The following EXOC7 variants were observed in gnomAD, a reference collection of about 807,000 sequenced individuals.
EXOC7 encodes exocyst complex component Exo70.
In EXOC7, 51 loss-of-function variants were observed where a neutral mutation model predicts 87.6. The ratio of observed to expected loss-of-function variants is 0.58; its 90% CI spans 0.46 to 0.73. The LOEUF (loss-of-function observed/expected upper bound fraction) is 0.73, where lower values mean the gene tolerates loss of function less well. EXOC7 is among the 30% of genes least tolerant of loss of function. The pLI, the probability that EXOC7 is intolerant of heterozygous loss-of-function variation, is 0.00. For missense variants in EXOC7, 744 were observed against 888.4 expected (o/e 0.84, Z 2.07); for synonymous variants, 327 against 357.1 (o/e 0.92, Z 0.95).
chr17:76,096,704 G>A (rs972811033), intron 5 of EXOC7, among the ~76,000 whole-genome samples: 1 of 152,116 alleles, frequency 6.6e-6, no homozygotes, highest in African/African-American at 2.4e-5. Flanking sequence ...TTACAGGCAT[G>A]CGCCACCACG....
At position 76,101,585 on chromosome 17, in the gene EXOC7, C is replaced by T. The variant is rs946821016; in HGVS notation, c.311+94G>A. The T allele has an allele frequency of 6.8e-6, 10 of 1,460,232 alleles. No individual in the cohort carries two copies. The African/African-American group carries it at 1.4e-4, about 21-fold the overall frequency. The allele number at this position is 1,460,232 out of a possible 1,614,324, so 90.5% of individuals were successfully genotyped here. A position where few individuals can be genotyped will look rare whatever the true frequency, so the allele number is the denominator to read the frequency against. ...AACTCCTAGTCTCAAGCGATCCTCCCACCTCAGCCTCCCAAATTGTTGGGA... is the reference window on the plus strand; with the variant it reads ...AACTCCTAGTCTCAAGCGATCCTCCTACCTCAGCCTCCCAAATTGTTGGGA... On this transcript the variant is annotated intron_variant, in intron 3 of 18. Coordinates refer to ENST00000589210, the MANE Select transcript of EXOC7 (RefSeq NM_001013839.4).
At chr17:76,090,694 C>T in intron 7 of EXOC7, 1 of 590,668 alleles carries the variant, frequency 1.7e-6, no homozygotes, top group Non-Finnish European at 3.0e-6. Flanking sequence ...AGAGCTGATG[C>T]TTGGCCCCAG....
chr17:76,091,477 G>C (rs2067476954), intron 6 of EXOC7: 1 of 523,254 alleles, frequency 1.9e-6, no homozygotes, highest in Non-Finnish European at 3.4e-6. Context: ...GCTCATTTCT[G>C]AAAGGACAGA....
intron 5 of EXOC7, 49 bp downstream of exon 5, chr17:76,097,747 A>T (rs1177589397): frequency 7.9e-7 from 1 of 1,260,470 alleles, no homozygotes; most frequent in East Asian, 2.4e-5. Context: ...AAGGGGAGAA[A>T]ACTCCCTCTG....
At position 76,087,636 on chromosome 17, in the gene EXOC7, A is replaced by G. The variant is rs1040631676; in HGVS notation, c.1429+18T>C. The G allele has an allele frequency of 5.2e-6, 8 of 1,550,392 alleles. No homozygotes were observed. In the Admixed American group the frequency reaches 1.2e-4, roughly 23 times the overall value. ...GGAGGCGAGTGGGGCAGGGGGCCCA[A>G]CTGGGAGGTACCAGTACCTTGGGAG... On this transcript the variant is annotated intron_variant, in intron 12 of 18. Transcript: ENST00000589210.
rs988989574 is a variant in EXOC7, at chr17:76,088,052, G to A, written c.1362+8C>T. 6.2e-7 allele frequency: 1 copy of A among 1,613,960 alleles called. No homozygotes were observed. The highest frequency in any genetic ancestry group is 8.5e-7 in the Non-Finnish European group (1 of 1,179,896). ...CCCCTCTCCCTGGTGTCCTCAGGCA[G>A]CACCCACATTGCTGGTGAGCTCGTG... On this transcript the variant is annotated splice_region_variant and intron_variant, in intron 11 of 18. Transcript: ENST00000589210.
Position 76,081,324 on chromosome 17 carries a change from T to C in EXOC7, c.*2324A>G, listed in dbSNP as rs759139193. ...CCCACGTGGTGAACGAGATTGTGAGTGTCAAGAGGGAATACGTAGTTTATG... is the reference window on the plus strand; with the variant it reads ...CCCACGTGGTGAACGAGATTGTGAGCGTCAAGAGGGAATACGTAGTTTATG... On this transcript the variant is annotated 3_prime_UTR_variant, in exon 19 of 19. Transcript: ENST00000589210. 1 of 1,613,884 alleles carries C rather than the reference T, an allele frequency of 6.2e-7. No homozygotes were observed.
intron 10 of EXOC7, 48 bp downstream of exon 10, chr17:76,088,416 T>TGTG: frequency 1.3e-6 from 2 of 1,566,102 alleles, no homozygotes; most frequent in Non-Finnish European, 1.8e-6. Flanking sequence ...GCCAGGTCAC[T>TGTG]GTGGTGCTGG....
chr17:76,085,516 G>T, intron 14 of EXOC7, 107 bp from the exon 15 acceptor site: 1 of 1,500,886 alleles, frequency 6.7e-7, no homozygotes, highest in Non-Finnish European at 9.1e-7. Context: ...AACTCCACAA[G>T]CTCTATGGCA....
Position 76,097,860 on chromosome 17 carries a change from G to A in EXOC7, c.576C>T (p.Pro192=), listed in dbSNP as rs367850522. 14 of 1,613,986 alleles carry A rather than the reference G, an allele frequency of 8.7e-6. No homozygotes were observed. Among genetic ancestry groups the A allele is most frequent in the Admixed American group, 6.7e-5 (4 of 59,978 alleles). Residue 192 remains proline, a synonymous_variant, in exon 5 of 19, where the codon CCC becomes CCT. Coordinates refer to ENST00000589210, the MANE Select transcript of EXOC7 (RefSeq NM_001013839.4). The part of the protein sequence containing the change: ...AQEDVTLEHL[P]ESVLQDVIRI... ...GAATGACATCCTGGAGCACGCTCTC[G>A]GGCAGGTGCTCCAGGGTCACGTCCT...
At chr17:76,102,535 G>T (rs1324042903) in intron 2 of EXOC7, among the ~76,000 whole-genome samples, 1 of 152,048 alleles carries the variant, frequency 6.6e-6, no homozygotes, top group East Asian at 1.9e-4. Context: ...GAGCCCAGGA[G>T]TTAGAGACTG....
chr17:76,097,124 A>G (rs1229826576), intron 5 of EXOC7, among the ~76,000 whole-genome samples: 2 of 152,218 alleles, frequency 1.3e-5, no homozygotes, highest in Admixed American at 6.5e-5. Flanking sequence ...TTAGGATTAC[A>G]GGCATAGCCA....
rs775293741 is a variant in EXOC7, at chr17:76,103,682, G to C, written c.11C>G (p.Pro4Arg). 4.3e-6 allele frequency: 7 copies of C among 1,612,174 alleles called. No homozygotes were observed. Among genetic ancestry groups the C allele is most frequent in the Admixed American group, 1.7e-5 (1 of 59,804 alleles). Residue 4 changes from proline to arginine, a missense_variant, in exon 1 of 19, where the codon CCA becomes CGA. By Grantham distance (103) the Pro-to-Arg change is moderately radical. Around this residue, in one of 3 missense-constraint regions of EXOC7, gnomAD observed 512 missense variants for 573.0 expected, o/e 0.89. Transcript: ENST00000589210. ...CCGCCGTCGAGCGGATGCCTCCTGT[G>C]GGGGAATCATCGCTCTGAACCCCGC... is the stretch of plus-strand genomic sequence containing the variant. The part of the protein sequence containing the change: MIP[P>R]QEASARRREI...
rs781489327 is a variant in EXOC7 at position 76,081,370 on chromosome 17, C to A, written c.*2278G>T. 6.2e-7 allele frequency: 1 copy of A among 1,614,058 alleles called. No homozygotes were observed. Among genetic ancestry groups the A allele is most frequent in the Non-Finnish European group, 8.5e-7 (1 of 1,180,048 alleles). On this transcript the variant is annotated 3_prime_UTR_variant, in exon 19 of 19. Transcript: ENST00000589210. ...TTATGATCTGAAGACCCAAGTCCCA[C>A]CCCAGCAGCTGGTGCCCTGCTTCCA... is the stretch of plus-strand genomic sequence containing the variant.
At position 76,081,200 on chromosome 17, in the gene EXOC7, G is replaced by T; in HGVS notation, c.*2448C>A. ...CCATCAAAAGTCTCCATCACCCCTG[G>T]GCTCCAGTCTGCTACCCCCAGACTT... On this transcript the variant is annotated 3_prime_UTR_variant, in exon 19 of 19. Transcript: ENST00000589210. 1 of 1,584,670 alleles carries T rather than the reference G, an allele frequency of 6.3e-7. No individual in the cohort carries two copies. Among genetic ancestry groups the T allele is most frequent in the Non-Finnish European group, 8.6e-7 (1 of 1,164,966 alleles).
At chr17:76,101,567 A>T in intron 3 of EXOC7, 112 bp downstream of exon 3, 1 of 1,394,426 alleles carries the variant, frequency 7.2e-7, no homozygotes, top group African/African-American at 1.4e-5. Flanking sequence ...TTGAACTCCT[A>T]GTCTCAAGCG....
chr17:76,088,599 G>A, intron 9 of EXOC7, 37 bp from the exon 10 acceptor site: 1 of 1,605,760 alleles, frequency 6.2e-7, no homozygotes, highest in South Asian at 1.1e-5. Context: ...CTCACCTCCA[G>A]TCGCTCTGTG....
intron 6 of EXOC7, chr17:76,093,687 ATC>A (rs2067607973): frequency 6.6e-6 from 1 of 152,356 alleles, no homozygotes; most frequent in Non-Finnish European, 1.5e-5. Context: ...TGCGGGCAGC[ATC>A]TCTCAGTGGC....
At chr17:76,085,974 C>T (rs950089067) in intron 13 of EXOC7, 106 bp downstream of exon 13, 15 of 1,516,250 alleles carry the variant, frequency 9.9e-6, no homozygotes, top group Admixed American at 1.9e-5. Context: ...GATCAGATGG[C>T]ACTTAGGAGA....
Sources: allele counts gnomAD v4.1 joint callset (sites outside exome capture counted in the v4.1 genomes callset), GRCh38; gene constraint gnomAD v4.1.1; regional missense constraint gnomAD v4.1.1; transcripts MANE v1.5; gene names NCBI Gene and HGNC (gene_info 2026-07-23, HGNC 2026-07-21).